The following RNLS variants were observed in gnomAD, a reference collection of about 807,000 sequenced individuals.
RNLS encodes renalase.
A neutral mutation model predicts 39.8 loss-of-function variants in RNLS; 39 were observed. The ratio of observed to expected loss-of-function variants is 0.98; its 90% CI spans 0.76 to 1.28. The LOEUF is 1.28. Ranked by LOEUF, RNLS falls within the 50% of genes most tolerant of loss-of-function variation. The probability of loss-of-function intolerance (pLI) is 0.00; values close to 1 mark genes in which losing one functional copy is unlikely to be tolerated. For synonymous variants in RNLS, 147 were observed against 150.7 expected (o/e 0.98, Z 0.18); for missense variants, 410 against 413.3 (o/e 0.99, Z 0.07).
At chr10:88,438,695 A>T (rs1841547012) in intron 4 of RNLS, among the ~76,000 whole-genome samples, 1 of 152,168 alleles carries the variant, frequency 6.6e-6, no homozygotes. Context: ...AGCTGGCATA[A>T]GAATAAAAGA....
chr10:88,554,806 C>G (rs1439048836), intron 4 of RNLS, among the ~76,000 whole-genome samples: 1 of 152,232 alleles, frequency 6.6e-6, no homozygotes, highest in African/African-American at 2.4e-5. Context: ...CAATTTTCCC[C>G]TTTCTACTAG....
At chr10:88,386,970 T>G (rs964214729) in intron 4 of RNLS, among the ~76,000 whole-genome samples, 32 of 152,316 alleles carry the variant, frequency 2.1e-4, no homozygotes, top group African/African-American at 7.5e-4. Context: ...CAATGCCAGT[T>G]TATGCTCTAG....
At chr10:88,230,393 C>T in the RNLS span, among the ~76,000 whole-genome samples, 1 of 152,158 alleles carries the variant, frequency 6.6e-6, no homozygotes, top group Non-Finnish European at 1.5e-5. Flanking sequence ...TTTCTTCTCT[C>T]TCGTTGCCCT....
chr10:88,395,458 A>G (rs1265234850), intron 4 of RNLS, among the ~76,000 whole-genome samples: 1 of 152,040 alleles, frequency 6.6e-6, no homozygotes, highest in African/African-American at 2.4e-5. Flanking sequence ...AAAATAACAG[A>G]AGAAAAAATT....
intron 4 of RNLS, among the ~76,000 whole-genome samples, chr10:88,440,960 T>C (rs1007382584): frequency 3.3e-5 from 5 of 152,178 alleles, no homozygotes; most frequent in East Asian, 1.9e-4. Flanking sequence ...GTGTACACGA[T>C]CTAAGGGTGA....
chr10:88,407,308 A>C (rs792207), intron 4 of RNLS, among the ~76,000 whole-genome samples: 95,121 of 151,708 alleles, frequency 0.63, 30,009 homozygotes, highest in African/African-American at 0.7. Context: ...TCTAGTCCCT[A>C]TCCTCATGAA....
the RNLS span, among the ~76,000 whole-genome samples, chr10:88,212,057 C>T: frequency 8.5e-5 from 13 of 152,290 alleles, no homozygotes; most frequent in South Asian, 2.7e-3. Flanking sequence ...CCCTGCCAGG[C>T]AAACCTTGTT....
chr10:88,478,863 A>G (rs973854663), intron 4 of RNLS, among the ~76,000 whole-genome samples: 3 of 146,050 alleles, frequency 2.1e-5, no homozygotes, highest in African/African-American at 7.6e-5. Context: ...TCTTTCTTTC[A>G]TTTCTTTCTT....
intron 3 of RNLS, among the ~76,000 whole-genome samples, chr10:88,581,013 G>A (rs1850502218): frequency 6.6e-6 from 1 of 151,934 alleles, no homozygotes; most frequent in Non-Finnish European, 1.5e-5. Flanking sequence ...GTCAACAATA[G>A]ACATGCATCA....
intron 4 of RNLS, among the ~76,000 whole-genome samples, chr10:88,502,022 A>G (rs1167869990): frequency 6.6e-6 from 1 of 152,108 alleles, no homozygotes; most frequent in Non-Finnish European, 1.5e-5. Flanking sequence ...ATATAGGAAC[A>G]TCACATTCAT....
At chr10:88,547,926 A>C (rs1848399306) in intron 4 of RNLS, among the ~76,000 whole-genome samples, 1 of 152,176 alleles carries the variant, frequency 6.6e-6, no homozygotes, top group Admixed American at 6.5e-5. Flanking sequence ...AAATAAATTA[A>C]TAAACAAAGA....
At chr10:88,381,932 A>C (rs1455761617) in intron 4 of RNLS, among the ~76,000 whole-genome samples, 1 of 152,090 alleles carries the variant, frequency 6.6e-6, no homozygotes, top group African/African-American at 2.4e-5. Flanking sequence ...AATTATATGA[A>C]GTTCAAATTT....
chr10:88,236,185 T>C, the RNLS span, among the ~76,000 whole-genome samples: 1 of 152,196 alleles, frequency 6.6e-6, no homozygotes, highest in East Asian at 1.9e-4. Flanking sequence ...TGTGTCAAAG[T>C]TCTGGAGAAG....
At chr10:88,185,972 C>T in the RNLS span, among the ~76,000 whole-genome samples, 6 of 152,240 alleles carry the variant, frequency 3.9e-5, no homozygotes, top group African/African-American at 1.2e-4. Flanking sequence ...GAAGCAGGTC[C>T]CCAAACTCTT....
intron 4 of RNLS, among the ~76,000 whole-genome samples, chr10:88,365,649 T>C (rs1184100206): frequency 1.3e-5 from 2 of 151,936 alleles, no homozygotes; most frequent in Non-Finnish European, 2.9e-5. Flanking sequence ...GTAAAATGGC[T>C]AAAAATTGTA....
At chr10:88,199,345 C>CA in the RNLS span, among the ~76,000 whole-genome samples, 1 of 152,176 alleles carries the variant, frequency 6.6e-6, no homozygotes, top group Non-Finnish European at 1.5e-5. Context: ...AGATATTTGT[C>CA]AACCTCAGCA....
intron 5 of RNLS, among the ~76,000 whole-genome samples, chr10:88,338,811 G>C (rs551634179): frequency 2.0e-5 from 3 of 149,096 alleles, no homozygotes; most frequent in South Asian, 4.2e-4. Context: ...TGCCAGGCTG[G>C]AGTGCAGTGG....
At chr10:88,195,677 C>T in the RNLS span, among the ~76,000 whole-genome samples, 2 of 152,168 alleles carry the variant, frequency 1.3e-5, no homozygotes, top group African/African-American at 4.8e-5. Context: ...GTTTCCTTGC[C>T]TCTTGGGAAC....
intron 4 of RNLS, among the ~76,000 whole-genome samples, chr10:88,417,403 G>C (rs1033045153): frequency 6.6e-6 from 1 of 152,110 alleles, no homozygotes; most frequent in Admixed American, 6.6e-5. Context: ...AAAAGCCTTT[G>C]ATTAATAAAG....
Sources: gnomAD v4.1 joint callset for allele counts (sites outside exome capture counted in the v4.1 genomes callset) on GRCh38, gnomAD v4.1.1 for gene constraint, MANE v1.5 for transcripts, NCBI Gene and HGNC (gene_info 2026-07-23, HGNC 2026-07-21) for gene names.